SORCS1: variants seen among roughly 807,000 people sequenced by gnomAD.
SORCS1 encodes the protein sortilin related VPS10 domain containing receptor 1, also known as VPS10 domain-containing receptor SorCS1.
SORCS1 carries 60 observed loss-of-function variants against 146.1 expected under a neutral mutation model. That is an observed-to-expected ratio of 0.41 (90% CI 0.33 to 0.51). SORCS1 has a LOEUF of 0.51. Among genes scored for constraint, SORCS1 ranks in the 20% least tolerant of loss-of-function variants. The probability of loss-of-function intolerance (pLI) is 0.21; values close to 1 mark genes in which losing one functional copy is unlikely to be tolerated. For missense variants in SORCS1, 1,352 were observed against 1,487.6 expected (o/e 0.91, Z 1.50); for synonymous variants, 637 against 584.0 (o/e 1.09, Z -1.31).
chr10:107,122,093 T>C (rs554037070), intron 1 of SORCS1, among the ~76,000 whole-genome samples: 42 of 152,268 alleles, frequency 2.8e-4, no homozygotes, highest in South Asian at 2.5e-3. Context: ...TGAGAAGTGC[T>C]CCGGAGACTG....
chr10:106,946,891 TTTG>T (rs1373824258), intron 2 of SORCS1, among the ~76,000 whole-genome samples: 1 of 152,180 alleles, frequency 6.6e-6, no homozygotes, highest in Non-Finnish European at 1.5e-5. Context: ...CTAAGAGATG[TTTG>T]TTGAACAAAA....
At chr10:106,665,515 A>G (rs1235677915) in intron 17 of SORCS1, among the ~76,000 whole-genome samples, 1 of 151,924 alleles carries the variant, frequency 6.6e-6, no homozygotes, top group Non-Finnish European at 1.5e-5. Flanking sequence ...GTGCTACCAC[A>G]ATAGCTTCTT....
At chr10:106,731,759 C>CAA (rs1375158230) in intron 5 of SORCS1, among the ~76,000 whole-genome samples, 2 of 152,042 alleles carry the variant, frequency 1.3e-5, no homozygotes, top group African/African-American at 2.4e-5. Context: ...CAGAGATACC[C>CAA]AATAAAGCTA....
In SORCS1 at chr10:106,643,212, C is replaced by T. The variant is rs181902564; in HGVS notation, c.2475+9170G>A. Among the ~76,000 whole-genome samples, 303 of 152,276 alleles carry T rather than the reference C, an allele frequency of 2.0e-3. 1 individual carries two copies. Among genetic ancestry groups the T allele is most frequent in the Admixed American group, 0.018 (278 of 15,282 alleles). On this transcript the variant is annotated intron_variant, in intron 18 of 25. Coordinates refer to ENST00000263054, the MANE Select transcript of SORCS1 (RefSeq NM_052918.5). ...AAATGACAACAAAATGACAATAACA[C>T]CTATTTGCATAGAGTTGCTGTAAGA...
chr10:107,065,078 T>G (rs920768618), intron 1 of SORCS1, among the ~76,000 whole-genome samples: 1 of 152,118 alleles, frequency 6.6e-6, no homozygotes, highest in Non-Finnish European at 1.5e-5. Flanking sequence ...AGTATATAAT[T>G]GACTGACAGG....
At chr10:106,592,337 G>T (rs1044522588) in intron 24 of SORCS1, among the ~76,000 whole-genome samples, 1 of 152,180 alleles carries the variant, frequency 6.6e-6, no homozygotes, top group Non-Finnish European at 1.5e-5. Flanking sequence ...GTTGGTGGGT[G>T]GGGGGCAGAC....
At chr10:106,665,139 A>C (rs528242113) in intron 17 of SORCS1, among the ~76,000 whole-genome samples, 1 of 152,312 alleles carries the variant, frequency 6.6e-6, no homozygotes, top group East Asian at 1.9e-4. Context: ...ATCCTTTTCT[A>C]TGTGTTTTCC....
intron 10 of SORCS1, among the ~76,000 whole-genome samples, chr10:106,682,331 T>C (rs1306293007): frequency 6.6e-6 from 1 of 152,170 alleles, no homozygotes; most frequent in Non-Finnish European, 1.5e-5. Context: ...GATCTTTTGG[T>C]GTACTTTTTT....
intron 1 of SORCS1, among the ~76,000 whole-genome samples, chr10:107,029,133 A>T (rs1440011933): frequency 6.6e-6 from 1 of 152,238 alleles, no homozygotes; most frequent in Non-Finnish European, 1.5e-5. Context: ...ACTTTGCTAG[A>T]TGCTCTCTCA....
intron 21 of SORCS1, 63 bp downstream of exon 21, chr10:106,618,086 T>A (rs556979280): frequency 1.9e-6 from 3 of 1,602,028 alleles, no homozygotes; most frequent in South Asian, 2.2e-5. Flanking sequence ...TCTGGCATCA[T>A]GGCACAAGAG....
chr10:106,799,472 A>G (rs1444934585), intron 3 of SORCS1, among the ~76,000 whole-genome samples: 1 of 152,228 alleles, frequency 6.6e-6, no homozygotes, highest in Non-Finnish European at 1.5e-5. Context: ...AATTTTTGCA[A>G]TCTACTCATC....
At chr10:106,675,208 T>C (rs372695633) in intron 13 of SORCS1, 52 bp from the exon 14 acceptor site, 2 of 1,381,496 alleles carry the variant, frequency 1.4e-6, no homozygotes, top group Admixed American at 1.8e-5. Flanking sequence ...AAAAAAAATG[T>C]CATTTCAAAG....
intron 2 of SORCS1, among the ~76,000 whole-genome samples, chr10:106,955,569 A>G (rs1371960782): frequency 1.3e-5 from 2 of 152,246 alleles, no homozygotes; most frequent in African/African-American, 4.8e-5. Flanking sequence ...TATCATTTCC[A>G]TACTCTATAT....
chr10:106,632,280 C>G (rs965354726), intron 18 of SORCS1, among the ~76,000 whole-genome samples: 3 of 152,176 alleles, frequency 2.0e-5, no homozygotes, highest in African/African-American at 7.2e-5. Flanking sequence ...CAGAAGGCAG[C>G]TGATTATATT....
At chr10:106,578,601 T>C in intron 25 of SORCS1, 2 of 949,110 alleles carry the variant, frequency 2.1e-6, no homozygotes, top group Non-Finnish European at 2.5e-6. Flanking sequence ...AGGATCAGGC[T>C]GGCCACTCTC....
intron 1 of SORCS1, among the ~76,000 whole-genome samples, chr10:106,993,121 C>T (rs114404827): frequency 0.037 from 5,704 of 152,226 alleles, 383 homozygotes; most frequent in African/African-American, 0.13. Flanking sequence ...TGAGCCACCA[C>T]GCCCAGCCGG....
chr10:106,941,765 T>A (rs1420597809), intron 2 of SORCS1, among the ~76,000 whole-genome samples: 1 of 152,038 alleles, frequency 6.6e-6, no homozygotes, highest in Non-Finnish European at 1.5e-5. Context: ...AGGAGCAGGG[T>A]AAAAAATGGT....
At chr10:106,885,462 T>G (rs991348790) in intron 2 of SORCS1, among the ~76,000 whole-genome samples, 2 of 152,150 alleles carry the variant, frequency 1.3e-5, no homozygotes, top group Non-Finnish European at 2.9e-5. Flanking sequence ...CTAAAAATGA[T>G]TTTTGCCCAT....
intron 2 of SORCS1, among the ~76,000 whole-genome samples, chr10:106,905,527 T>TG (rs1951873817): frequency 6.6e-6 from 1 of 152,220 alleles, no homozygotes; most frequent in Non-Finnish European, 1.5e-5. Flanking sequence ...ATTGCCCTGT[T>TG]CAAGAAAAGT....
Sources: gnomAD v4.1 joint callset for allele counts (sites outside exome capture counted in the v4.1 genomes callset) on GRCh38, gnomAD v4.1.1 for gene constraint, MANE v1.5 for transcripts, NCBI Gene and HGNC (gene_info 2026-07-23, HGNC 2026-07-21) for gene names.